Variants in SVIL observed in about 807,000 individuals in gnomAD.
The protein encoded by SVIL is archvillin.
In SVIL, 101 loss-of-function variants were observed where a neutral mutation model predicts 240.4. That is an observed-to-expected ratio of 0.42 (90% CI 0.36 to 0.50). SVIL has a LOEUF of 0.50. SVIL is among the 20% of genes least tolerant of loss of function. The probability of loss-of-function intolerance (pLI) is 0.01; values close to 1 mark genes in which losing one functional copy is unlikely to be tolerated. For synonymous variants in SVIL, 999 were observed against 1,100.0 expected, an observed-to-expected ratio of 0.91 and a Z score of 1.82; for missense variants, 2,512 against 2,818.7, an observed-to-expected ratio of 0.89 and a Z score of 2.46.
At chr10:29,663,850 G>A (rs1019581521) in intron 2 of SVIL, among the ~76,000 whole-genome samples, 59 of 152,310 alleles carry the variant, frequency 3.9e-4, no homozygotes, top group Non-Finnish European at 5.9e-5. Flanking sequence ...GAGTGCTGCT[G>A]GCAATCAGCA....
At chr10:29,529,890 G>T in intron 11 of SVIL, 46 bp from the exon 12 acceptor site, 3 of 1,555,176 alleles carry the variant, frequency 1.9e-6, no homozygotes, top group Non-Finnish European at 2.6e-6. Flanking sequence ...CAAGGAAAGA[G>T]CTGGGCACGG....
intron 1 of SVIL, among the ~76,000 whole-genome samples, chr10:29,587,891 C>A (rs116562440): frequency 6.6e-6 from 1 of 152,056 alleles, no homozygotes; most frequent in Non-Finnish European, 1.5e-5. Context: ...GCTAAGGAGG[C>A]GGAGTTGTTG....
intron 17 of SVIL, among the ~76,000 whole-genome samples, chr10:29,506,265 G>A (rs1160357784): frequency 2.0e-5 from 3 of 151,950 alleles, no homozygotes; most frequent in Admixed American, 6.5e-5. Context: ...TCCCCCGTTC[G>A]TGATGGAATG....
chr10:29,576,463 T>C (rs1474900702), intron 1 of SVIL, among the ~76,000 whole-genome samples: 1 of 152,218 alleles, frequency 6.6e-6, no homozygotes, highest in African/African-American at 2.4e-5. Flanking sequence ...TTGTGGTTTA[T>C]TGATGATGAC....
intron 1 of SVIL, among the ~76,000 whole-genome samples, chr10:29,603,074 C>T (rs2479691): frequency 0.21 from 29,771 of 144,612 alleles, 3,048 homozygotes; most frequent in Middle Eastern, 0.27. Flanking sequence ...ACCATCCTGA[C>T]GACTGAAACT....
intron 1 of SVIL, among the ~76,000 whole-genome samples, chr10:29,591,492 AAAGT>A (rs1479343432): frequency 1.3e-5 from 2 of 152,218 alleles, no homozygotes; most frequent in African/African-American, 4.8e-5. Flanking sequence ...GTCTTATAAA[AAAGT>A]AATAGCTCTC....
At chr10:29,716,030 C>T (rs138747042) in intron 1 of SVIL, among the ~76,000 whole-genome samples, 1 of 152,348 alleles carries the variant, frequency 6.6e-6, no homozygotes, top group East Asian at 1.9e-4. Context: ...GGTAGAACTA[C>T]ATTTTACTTT....
intron 1 of SVIL, among the ~76,000 whole-genome samples, chr10:29,726,472 C>A (rs1801631633): frequency 6.6e-6 from 1 of 152,090 alleles, no homozygotes; most frequent in African/African-American, 2.4e-5. Flanking sequence ...TGTGGCCGGG[C>A]ACGGTGGCTC....
At chr10:29,471,463 G>A (rs1588851836) in intron 30 of SVIL, among the ~76,000 whole-genome samples, 1 of 151,958 alleles carries the variant, frequency 6.6e-6, no homozygotes, top group South Asian at 2.1e-4. Context: ...AACAAAATAG[G>A]AGCCTTGCTT....
intron 32 of SVIL, among the ~76,000 whole-genome samples, chr10:29,469,507 G>A (rs566913528): frequency 9.0e-4 from 137 of 152,308 alleles, no homozygotes; most frequent in Non-Finnish European, 1.5e-3. Flanking sequence ...ATGCCTGGGC[G>A]ACACTGGGCT....
intron 3 of SVIL, among the ~76,000 whole-genome samples, chr10:29,642,364 C>A (rs1271158651): frequency 6.6e-6 from 1 of 150,916 alleles, no homozygotes; most frequent in Non-Finnish European, 1.5e-5. Context: ...TGCACTCCAG[C>A]CTAGACAACA....
intron 3 of SVIL, among the ~76,000 whole-genome samples, chr10:29,644,979 G>A (rs1384704795): frequency 4.6e-5 from 7 of 151,468 alleles, no homozygotes; most frequent in Non-Finnish European, 8.8e-5. Context: ...GGGGTAGGTG[G>A]AGGACACTAA....
At position 29,499,159 on chromosome 10, in the gene SVIL, G is replaced by A. The variant is rs137909858; in HGVS notation, c.3621C>T (p.Asn1207=). 55 of 1,613,928 alleles carry A rather than the reference G, an allele frequency of 3.4e-5. No individual in the cohort carries two copies. The highest frequency in any genetic ancestry group is 4.2e-5 in the Non-Finnish European group (49 of 1,180,022). ...AWKTRGRGAA[N]DSTQFTVAGR... Reference sequence around the variant, plus strand: ...CAGCCACAGTGAACTGGGTCGAGTCGTTGGCCGCTCCTCTGCCTCTCGTCT... The same window carrying A: ...CAGCCACAGTGAACTGGGTCGAGTCATTGGCCGCTCCTCTGCCTCTCGTCT... The change falls in exon 18 of 38, where the codon AAC becomes AAT. Residue 1207 remains asparagine (N), a synonymous_variant. Coordinates refer to ENST00000355867, the MANE Select transcript of SVIL (RefSeq NM_021738.3).
At chr10:29,473,576 T>C (rs1227057952) in intron 30 of SVIL, 5 of 516,224 alleles carry the variant, frequency 9.7e-6, no homozygotes, top group East Asian at 3.5e-5. Flanking sequence ...AAGCCACCCA[T>C]TGGCCATCTG....
At chr10:29,597,525 G>A (rs1272730888) in intron 1 of SVIL, among the ~76,000 whole-genome samples, 2 of 152,008 alleles carry the variant, frequency 1.3e-5, no homozygotes, top group Non-Finnish European at 2.9e-5. Context: ...TCAGCCTCAC[G>A]AGTAGCTGGG....
At chr10:29,544,941 T>C in intron 6 of SVIL, 1 of 526,596 alleles carries the variant, frequency 1.9e-6, no homozygotes, top group Admixed American at 1.9e-5. Context: ...ATTCCAGTAA[T>C]AGAATAAGCT....
At chr10:29,536,909 C>CAAAAAAAAAAAAAA (rs1424209796) in intron 6 of SVIL, among the ~76,000 whole-genome samples, 1 of 25,616 alleles carries the variant, frequency 3.9e-5, no homozygotes, top group South Asian at 9.0e-4. Context: ...ACGACTCTGT[C>CAAAAAAAAAAAAAA]ACAAAAAAAA....
chr10:29,499,010 C>A, intron 18 of SVIL, 106 bp downstream of exon 18: 1 of 1,440,184 alleles, frequency 6.9e-7, no homozygotes, highest in South Asian at 1.4e-5. Context: ...ACCATGGTTT[C>A]TTCTTTTAAA....
chr10:29,486,783 G>A (rs1947442275), intron 24 of SVIL, among the ~76,000 whole-genome samples: 1 of 152,192 alleles, frequency 6.6e-6, no homozygotes, highest in Non-Finnish European at 1.5e-5. Flanking sequence ...ATCTTCAATA[G>A]GTCACATGTG....
Sources: gnomAD v4.1 joint callset for allele counts (sites outside exome capture counted in the v4.1 genomes callset) on GRCh38, gnomAD v4.1.1 for gene constraint, MANE v1.5 for transcripts, NCBI Gene and HGNC (gene_info 2026-07-23, HGNC 2026-07-21) for gene names.